The following ZBBX variants were observed in gnomAD, a reference collection of about 807,000 sequenced individuals.
ZBBX encodes zinc finger B-box domain-containing protein 1.
ZBBX carries 101 observed loss-of-function variants against 108.5 expected under a neutral mutation model. That is an observed-to-expected ratio of 0.93 (90% CI 0.79 to 1.10). The LOEUF is 1.10. ZBBX is among the 50% of genes least tolerant of loss of function. The probability of loss-of-function intolerance (pLI) is 0.00; values close to 1 mark genes in which losing one functional copy is unlikely to be tolerated. For synonymous variants in ZBBX, 356 were observed against 323.4 expected, an observed-to-expected ratio of 1.10 and a Z score of -1.08; for missense variants, 1,009 against 941.4, an observed-to-expected ratio of 1.07 and a Z score of -0.94.
intron 1 of ZBBX, among the ~76,000 whole-genome samples, chr3:167,404,545 C>T (rs1268351924): frequency 6.6e-6 from 1 of 151,972 alleles, no homozygotes; most frequent in Admixed American, 6.6e-5. Flanking sequence ...CCCACTCTCC[C>T]CCTTTCTCCA....
chr3:167,296,256 A>C (rs1021896401), intron 18 of ZBBX, among the ~76,000 whole-genome samples: 24 of 152,090 alleles, frequency 1.6e-4, no homozygotes, highest in Non-Finnish European at 2.6e-4. Context: ...ATGCCTCTAC[A>C]CAATAAAAGT....
intron 20 of ZBBX, among the ~76,000 whole-genome samples, chr3:167,280,066 T>A (rs556863319): frequency 8.5e-4 from 130 of 152,074 alleles, no homozygotes; most frequent in African/African-American, 3.0e-3. Context: ...TGAAACTGGA[T>A]CCCTTCCTTA....
intron 20 of ZBBX, chr3:167,248,776 C>G: frequency 5.1e-6 from 2 of 389,718 alleles, no homozygotes; most frequent in South Asian, 3.7e-5. Flanking sequence ...ATGGCATAAA[C>G]AGGCTCAGGA....
At chr3:167,190,869 G>A in the ZBBX span, among the ~76,000 whole-genome samples, 53 of 152,220 alleles carry the variant, frequency 3.5e-4, 1 homozygote, top group East Asian at 2.1e-3. Context: ...ATATCTTGGC[G>A]CAAAAAGACT....
At chr3:167,235,542 A>ATG (rs1317442850), downstream of ZBBX, among the ~76,000 whole-genome samples, 1 of 151,290 alleles carries the variant, frequency 6.6e-6, no homozygotes, top group Non-Finnish European at 1.5e-5. Flanking sequence ...ATATATATAT[A>ATG]TTCTTCTGGA....
At position 167,337,877 on chromosome 3, in the gene ZBBX, T is replaced by G. The variant is rs1373083236; in HGVS notation, c.529-3892A>C. On this transcript the variant is annotated intron_variant, in intron 9 of 21. Transcript: ENST00000675490. ...AGTATCATAACACTGTACCATATATTAATAAAATATTTTCAAATGTTAAAA... is the reference window on the plus strand; with the variant it reads ...AGTATCATAACACTGTACCATATATGAATAAAATATTTTCAAATGTTAAAA... Among the ~76,000 whole-genome samples, 3 of 152,154 alleles carry G rather than the reference T, an allele frequency of 2.0e-5. 1 individual carries two copies. The highest frequency in any genetic ancestry group is 2.0e-4 in the Admixed American group (3 of 15,256).
rs997877441 is a variant in ZBBX, at chr3:167,379,692, G to T, written c.-186C>A. 2 of 152,162 alleles carry T rather than the reference G, an allele frequency of 1.3e-5. No homozygotes were observed. The highest frequency in any genetic ancestry group is 2.9e-5 in the Non-Finnish European group (2 of 68,042). 9.4% of individuals were successfully genotyped at this position (152,162 alleles called of 1,614,324 possible). Reference sequence around the variant, plus strand: ...GAAAAAATAAACTTCCACATCTTCAGATTTCTCAGGAATCGGGCACCCCGC... The same window carrying T: ...GAAAAAATAAACTTCCACATCTTCATATTTCTCAGGAATCGGGCACCCCGC... On this transcript the variant is annotated 5_prime_UTR_variant, in exon 2 of 22. The change creates a new upstream start codon in the 5' untranslated region. Coordinates refer to ENST00000675490, the MANE Select transcript of ZBBX (RefSeq NM_001199201.2).
intron 14 of ZBBX, among the ~76,000 whole-genome samples, chr3:167,316,114 A>T (rs551273249): frequency 9.2e-5 from 14 of 152,122 alleles, no homozygotes; most frequent in Non-Finnish European, 2.1e-4. Context: ...GTGACTAGGA[A>T]GTTGTCAGTT....
the ZBBX span, among the ~76,000 whole-genome samples, chr3:167,229,470 C>CACATAAT: frequency 6.6e-6 from 1 of 151,800 alleles, no homozygotes; most frequent in Admixed American, 6.6e-5. Context: ...CAGGGCCTAA[C>CACATAAT]ACATAATGAA....
At chr3:167,241,977 T>A (rs1416460631) in intron 21 of ZBBX, among the ~76,000 whole-genome samples, 1 of 152,174 alleles carries the variant, frequency 6.6e-6, no homozygotes, top group Non-Finnish European at 1.5e-5. Flanking sequence ...TCTGAAACAT[T>A]TACTAGTATA....
chr3:167,376,781 C>T (rs1028020642), intron 2 of ZBBX, among the ~76,000 whole-genome samples: 5 of 152,134 alleles, frequency 3.3e-5, no homozygotes, highest in Admixed American at 2.6e-4. Context: ...TAGTCACCTA[C>T]ATAAGCTAAT....
intron 14 of ZBBX, among the ~76,000 whole-genome samples, chr3:167,316,656 G>GT (rs1352257189): frequency 2.0e-5 from 3 of 152,166 alleles, no homozygotes; most frequent in Non-Finnish European, 2.9e-5. Context: ...TAGGTACCAT[G>GT]TAACGAGACT....
the ZBBX span, among the ~76,000 whole-genome samples, chr3:167,234,107 C>T: frequency 6.6e-6 from 1 of 151,788 alleles, no homozygotes; most frequent in Admixed American, 6.6e-5. Flanking sequence ...TCATTTTACA[C>T]ACGGAGTTTA....
At chr3:167,284,445 A>G (rs533905320) in intron 19 of ZBBX, among the ~76,000 whole-genome samples, 3 of 152,258 alleles carry the variant, frequency 2.0e-5, no homozygotes, top group East Asian at 1.9e-4. Context: ...CTGTACTATG[A>G]TATGTCTCAA....
At chr3:167,196,869 A>T in the ZBBX span, among the ~76,000 whole-genome samples, 1 of 152,202 alleles carries the variant, frequency 6.6e-6, no homozygotes, top group South Asian at 2.1e-4. Flanking sequence ...TAACACATAG[A>T]TATTATCGAA....
intron 20 of ZBBX, among the ~76,000 whole-genome samples, chr3:167,266,211 A>C (rs553247716): frequency 6.6e-6 from 1 of 152,242 alleles, no homozygotes; most frequent in South Asian, 2.1e-4. Context: ...TCAACTTTTG[A>C]AGGTATATTT....
the ZBBX span, among the ~76,000 whole-genome samples, chr3:167,181,909 C>T: frequency 6.6e-6 from 1 of 152,170 alleles, no homozygotes; most frequent in Admixed American, 6.5e-5. Flanking sequence ...AGGCTAACAT[C>T]TTTTGTGCAG....
chr3:167,406,086 T>C (rs1041730299), intron 1 of ZBBX, among the ~76,000 whole-genome samples: 7 of 152,026 alleles, frequency 4.6e-5, no homozygotes, highest in African/African-American at 7.3e-5. Flanking sequence ...AATAAATTCT[T>C]CCCAAATAGA....
intron 20 of ZBBX, among the ~76,000 whole-genome samples, chr3:167,275,082 A>C (rs1727270703): frequency 6.6e-6 from 1 of 152,176 alleles, no homozygotes; most frequent in African/African-American, 2.4e-5. Context: ...AATTAATTTT[A>C]ATTTGATTTT....
Sources: allele counts gnomAD v4.1 joint callset (sites outside exome capture counted in the v4.1 genomes callset), GRCh38; gene constraint gnomAD v4.1.1; transcripts MANE v1.5; gene names NCBI Gene and HGNC (gene_info 2026-07-23, HGNC 2026-07-21).